The following PARD3 variants were observed in gnomAD, a reference collection of about 807,000 sequenced individuals.
The protein encoded by PARD3 is par-3 family cell polarity regulator.
Under a neutral mutation model 155.4 loss-of-function variants are expected in PARD3, and 75 were observed. The ratio of observed to expected loss-of-function variants is 0.48; its 90% CI spans 0.40 to 0.58. The LOEUF (loss-of-function observed/expected upper bound fraction) is 0.58. Ranked by LOEUF, PARD3 falls within the 20% of genes least tolerant of loss-of-function variation. The probability of loss-of-function intolerance (pLI) is 0.00; values close to 1 mark genes in which losing one functional copy is unlikely to be tolerated. For missense variants in PARD3, 1,642 were observed against 1,721.7 expected, an observed-to-expected ratio of 0.95 and a Z score of 0.82; for synonymous variants, 576 against 610.5, an observed-to-expected ratio of 0.94 and a Z score of 0.83.
chr10:34,215,618 T>C (rs1030814425), intron 22 of PARD3, among the ~76,000 whole-genome samples: 2 of 152,244 alleles, frequency 1.3e-5, no homozygotes, highest in Non-Finnish European at 2.9e-5. Flanking sequence ...CCATGGATTA[T>C]AAAAATGTCT....
At chr10:34,399,288 C>T (rs757358573) in intron 7 of PARD3, 42 bp downstream of exon 7, 3 of 1,184,306 alleles carry the variant, frequency 2.5e-6, no homozygotes, top group Non-Finnish European at 3.8e-6. Flanking sequence ...AGATAAAACA[C>T]TCTACATTAT....
chr10:34,336,173 G>C, intron 18 of PARD3, 26 bp downstream of exon 18: 1 of 1,587,916 alleles, frequency 6.3e-7, no homozygotes, highest in Non-Finnish European at 8.6e-7. Flanking sequence ...CGTTTCTATG[G>C]CAACAGTCTA....
intron 2 of PARD3, among the ~76,000 whole-genome samples, chr10:34,645,704 G>A (rs1329909483): frequency 6.6e-6 from 1 of 152,208 alleles, no homozygotes; most frequent in Non-Finnish European, 1.5e-5. Flanking sequence ...GCGGCTGGGA[G>A]CAACTAAGTA....
At chr10:34,612,404 T>C (rs1220483109) in intron 2 of PARD3, among the ~76,000 whole-genome samples, 2 of 152,220 alleles carry the variant, frequency 1.3e-5, no homozygotes, top group African/African-American at 4.8e-5. Flanking sequence ...ATTTTGTTTT[T>C]AAAGCCTAAT....
At chr10:34,718,149 CAAA>C (rs71033340) in intron 1 of PARD3, among the ~76,000 whole-genome samples, 12 of 82,732 alleles carry the variant, frequency 1.5e-4, no homozygotes, top group African/African-American at 3.0e-4. Flanking sequence ...GACTCCATCT[CAAA>C]AAAAAAAAAA....
At chr10:34,424,618 G>A (rs1030838865) in intron 5 of PARD3, among the ~76,000 whole-genome samples, 8 of 152,052 alleles carry the variant, frequency 5.3e-5, no homozygotes, top group Admixed American at 2.0e-4. Context: ...GGGTTCAAGA[G>A]ATTCTCATTT....
At chr10:34,339,620 T>C (rs1259413889) in intron 16 of PARD3, among the ~76,000 whole-genome samples, 2 of 152,222 alleles carry the variant, frequency 1.3e-5, no homozygotes, top group Admixed American at 6.5e-5. Context: ...TTATTAATGT[T>C]CTCTCAATTG....
chr10:34,438,077 C>T (rs773962), intron 5 of PARD3, among the ~76,000 whole-genome samples: 3 of 151,872 alleles, frequency 2.0e-5, no homozygotes, highest in African/African-American at 7.3e-5. Context: ...GGCTTTCCCA[C>T]GGCTAGTGTG....
intron 14 of PARD3, among the ~76,000 whole-genome samples, chr10:34,355,698 G>A (rs1838725919): frequency 6.6e-6 from 1 of 152,092 alleles, no homozygotes; most frequent in Admixed American, 6.5e-5. Context: ...GGAGGCCAAT[G>A]TGGGCAGATC....
At chr10:34,174,853 T>C (rs923627451) in intron 22 of PARD3, among the ~76,000 whole-genome samples, 1 of 152,134 alleles carries the variant, frequency 6.6e-6, no homozygotes, top group African/African-American at 2.4e-5. Flanking sequence ...TGGAAAAAAA[T>C]AATGACACTG....
chr10:34,393,573 A>G (rs531080108), intron 7 of PARD3, among the ~76,000 whole-genome samples: 29 of 149,860 alleles, frequency 1.9e-4, no homozygotes, highest in Non-Finnish European at 4.3e-4. Flanking sequence ...CTATCTCAAA[A>G]GGAAAAAAAA....
At chr10:34,343,792 C>A in intron 15 of PARD3, 1 of 983,262 alleles carries the variant, frequency 1.0e-6, no homozygotes, top group Non-Finnish European at 1.2e-6. Context: ...TTTCCTCTAT[C>A]TTCAACTAGT....
At chr10:34,730,024 A>T (rs1279383396) in intron 1 of PARD3, among the ~76,000 whole-genome samples, 1 of 152,218 alleles carries the variant, frequency 6.6e-6, no homozygotes, top group Non-Finnish European at 1.5e-5. Flanking sequence ...AGACCTAAAG[A>T]GCAATTCATT....
At position 34,401,909 on chromosome 10, in the gene PARD3, A is replaced by T. The variant is rs781592062; in HGVS notation, c.723T>A (p.Asp241Glu). The T allele has an allele frequency of 6.2e-7, 1 of 1,613,214 alleles. No individual in the cohort carries two copies. Among genetic ancestry groups the T allele is most frequent in the Admixed American group, 1.7e-5 (1 of 60,002 alleles). ...KWLEKQEQDEDGTEEDNSRVE... is the reference protein window; with the variant it reads ...KWLEKQEQDEEGTEEDNSRVE... ...CACGACTGTTATCCTCTTCTGTCCCATCCTCATCCTAGAGGCAGCCAACAC... is the reference window on the plus strand; with the variant it reads ...CACGACTGTTATCCTCTTCTGTCCCTTCCTCATCCTAGAGGCAGCCAACAC... Residue 241 changes from aspartate (D) to glutamate (E), a missense_variant, in exon 6 of 25, where the codon GAT becomes GAA. Around this residue, in one of 3 missense-constraint regions of PARD3, gnomAD observed 1,529 missense variants for 1,587.3 expected, o/e 0.96. Coordinates refer to ENST00000374788, the MANE Select transcript of PARD3 (RefSeq NM_001184785.2).
intron 3 of PARD3, among the ~76,000 whole-genome samples, chr10:34,473,537 A>T (rs72794312): frequency 0.29 from 43,327 of 151,910 alleles, 6,669 homozygotes; most frequent in East Asian, 0.42. Flanking sequence ...AAATAAAAAA[A>T]AAAAAAATAG....
intron 20 of PARD3, among the ~76,000 whole-genome samples, chr10:34,309,864 T>C (rs183603320): frequency 8.9e-5 from 11 of 123,648 alleles, no homozygotes; most frequent in African/African-American, 3.1e-4. Context: ...GCTTAAAGCA[T>C]GAGATGCAAG....
chr10:34,132,725 C>T (rs1485399483), intron 22 of PARD3, among the ~76,000 whole-genome samples: 1 of 152,084 alleles, frequency 6.6e-6, no homozygotes, highest in South Asian at 2.1e-4. Context: ...AAGGTCCCAC[C>T]CTCAGAAGTC....
chr10:34,174,992 TA>T (rs1405516260), intron 22 of PARD3, among the ~76,000 whole-genome samples: 4 of 152,206 alleles, frequency 2.6e-5, no homozygotes, highest in Non-Finnish European at 5.9e-5. Flanking sequence ...CAATTCATTG[TA>T]TTTTAAAATT....
In PARD3 at chr10:34,431,740, C is replaced by CAA. The variant is rs57001926; in HGVS notation, c.714+18575_714+18576dup. On this transcript the variant is annotated intron_variant, in intron 5 of 24. Transcript: ENST00000374788. ...GGGTGACAGGAGCAAAACTCTGTCT[C>CAA]AAAAAAAAAAAAAAAAAAAAAAAAA... 3.8e-3 allele frequency among the ~76,000 whole-genome samples: 96 copies of CAA among 25,198 alleles called. 2 individuals carry two copies. Among genetic ancestry groups the CAA allele is most frequent in the African/African-American group, 0.013 (94 of 7,148 alleles). 16.5% of individuals were successfully genotyped at this position (25,198 alleles called of 152,430 possible). A position where few individuals can be genotyped will look rare whatever the true frequency, so the allele number is the denominator to read the frequency against.
Sources: allele counts gnomAD v4.1 joint callset (sites outside exome capture counted in the v4.1 genomes callset), GRCh38; gene constraint gnomAD v4.1.1; regional missense constraint gnomAD v4.1.1; transcripts MANE v1.5; gene names NCBI Gene and HGNC (gene_info 2026-07-23, HGNC 2026-07-21).